Variants in SIPA1L3 observed in about 807,000 individuals in gnomAD.
The protein encoded by SIPA1L3 is signal induced proliferation associated 1 like 3, also known as signal-induced proliferation-associated 1-like protein 3.
SIPA1L3 carries 59 observed loss-of-function variants against 150.1 expected under a neutral mutation model. The observed-to-expected ratio is 0.39, with a 90% CI of 0.32 to 0.49. The LOEUF is 0.49. Among genes scored for constraint, SIPA1L3 ranks in the 20% least tolerant of loss-of-function variants. SIPA1L3 has a pLI of 0.86. For missense variants in SIPA1L3, 2,211 were observed against 2,489.5 expected, an observed-to-expected ratio of 0.89 and a Z score of 2.38; for synonymous variants, 1,070 against 1,077.6, an observed-to-expected ratio of 0.99 and a Z score of 0.14.
intron 9 of SIPA1L3, among the ~76,000 whole-genome samples, chr19:38,123,781 A>G (rs1971088442): frequency 6.6e-6 from 1 of 151,568 alleles, no homozygotes; most frequent in South Asian, 2.1e-4. Flanking sequence ...GCTGATGGGT[A>G]CACCTCCCAG....
At chr19:38,148,626 T>G (rs982869468) in intron 12 of SIPA1L3, among the ~76,000 whole-genome samples, 1 of 152,170 alleles carries the variant, frequency 6.6e-6, no homozygotes, top group African/African-American at 2.4e-5. Context: ...TGTGGGAGAT[T>G]GACAGAGCGG....
chr19:38,003,241 C>T (rs1725502), intron 1 of SIPA1L3, among the ~76,000 whole-genome samples: 30,355 of 152,186 alleles, frequency 0.2, 3,142 homozygotes, highest in South Asian at 0.22. Flanking sequence ...AAGGCAGGCA[C>T]AGCTCCTCCC....
chr19:38,052,839 C>T (rs1599957628), intron 2 of SIPA1L3, among the ~76,000 whole-genome samples: 2 of 152,326 alleles, frequency 1.3e-5, no homozygotes, highest in Admixed American at 6.5e-5. Flanking sequence ...CAAGCTTCCC[C>T]CTCCCACACT....
rs1260593818 is a variant in SIPA1L3 at position 37,933,828 on chromosome 19, A to C, written c.-379+26470A>C. Among the ~76,000 whole-genome samples, 3 of 152,184 alleles carry C rather than the reference A, an allele frequency of 2.0e-5. No individual in the cohort carries two copies. The East Asian group carries it at 5.8e-4, about 29-fold the overall frequency. ...GGCAGCCTGGGTGCCTGTGGCATGG[A>C]ACAGGAAAGCTTGGCCTAGTAAGTG... On this transcript the variant is annotated intron_variant, in intron 1 of 21. Transcript: ENST00000222345.
intron 2 of SIPA1L3, among the ~76,000 whole-genome samples, chr19:38,049,075 C>T (rs1969126134): frequency 6.7e-6 from 1 of 149,956 alleles, no homozygotes. Flanking sequence ...GGGCGAGACC[C>T]CATCTCAAAA....
Position 38,082,684 on chromosome 19 carries a change from G to GGCCGCTTCC in SIPA1L3, c.1125_1133dup (p.Ala378_Ala380dup), listed in dbSNP as rs570769811. ...GGCGGAACACCACCACGGGTGCTTC[G>GGCCGCTTCC]GCCGCTTCCGCCGCCTCGGCCATGG... On this transcript the variant is annotated inframe_insertion, in exon 3 of 22. Coordinates refer to ENST00000222345, the MANE Select transcript of SIPA1L3 (RefSeq NM_015073.3). The GGCCGCTTCC allele has an allele frequency of 3.7e-5, 60 of 1,609,116 alleles. No homozygotes were observed. In the East Asian group the frequency reaches 1.1e-3, roughly 29 times the overall value.
intron 1 of SIPA1L3, among the ~76,000 whole-genome samples, chr19:37,934,049 C>G (rs999112895): frequency 1.3e-5 from 2 of 152,190 alleles, no homozygotes; most frequent in Non-Finnish European, 1.5e-5. Context: ...AATTCTTGCT[C>G]TGGGGCTGAA....
intron 4 of SIPA1L3, among the ~76,000 whole-genome samples, chr19:38,092,561 G>A (rs901487158): frequency 3.3e-5 from 5 of 152,142 alleles, no homozygotes; most frequent in Admixed American, 2.6e-4. Context: ...TAGCCGTGGG[G>A]GACTCTGATC....
At chr19:38,068,061 T>C (rs1164191028) in intron 2 of SIPA1L3, among the ~76,000 whole-genome samples, 7 of 149,914 alleles carry the variant, frequency 4.7e-5, no homozygotes, top group African/African-American at 1.5e-4. Context: ...CTCACTCTTT[T>C]GCCCAGGCTG....
chr19:37,912,747 T>C (rs1165332769), intron 1 of SIPA1L3, among the ~76,000 whole-genome samples: 1 of 152,210 alleles, frequency 6.6e-6, no homozygotes, highest in Non-Finnish European at 1.5e-5. Flanking sequence ...TCCTCCCGCC[T>C]CAGCCTACAT....
At chr19:38,096,861 A>C (rs1200716470) in intron 4 of SIPA1L3, among the ~76,000 whole-genome samples, 1 of 152,194 alleles carries the variant, frequency 6.6e-6, no homozygotes, top group Non-Finnish European at 1.5e-5. Flanking sequence ...GCATAAACCC[A>C]AAAGAAAAGG....
intron 2 of SIPA1L3, among the ~76,000 whole-genome samples, chr19:38,075,208 G>C (rs1045371831): frequency 6.6e-6 from 1 of 152,190 alleles, no homozygotes; most frequent in African/African-American, 2.4e-5. Context: ...TATAATCCTA[G>C]CACTTTGGGA....
intron 1 of SIPA1L3, among the ~76,000 whole-genome samples, chr19:37,944,915 C>T (rs1011209986): frequency 1.3e-5 from 2 of 152,106 alleles, no homozygotes; most frequent in African/African-American, 4.8e-5. Context: ...GTTGCCACTG[C>T]ACTCCAGCCT....
intron 7 of SIPA1L3, 89 bp downstream of exon 7, chr19:38,106,729 A>T: frequency 1.1e-6 from 1 of 877,100 alleles, no homozygotes; most frequent in South Asian, 1.4e-5. Flanking sequence ...TGTGGATCAT[A>T]TGGAGGCCCT....
chr19:38,194,700 G>T (rs1218663775), intron 18 of SIPA1L3, among the ~76,000 whole-genome samples: 1 of 152,220 alleles, frequency 6.6e-6, no homozygotes, highest in Non-Finnish European at 1.5e-5. Context: ...AGCTGTGGGG[G>T]ATGGGGTGGA....
chr19:38,132,935 A>G lies in SIPA1L3; in HGVS notation c.3143+2163A>G, dbSNP rs578213065. On this transcript the variant is annotated intron_variant, in intron 10 of 21. Transcript: ENST00000222345. Reference sequence around the variant, plus strand: ...AGTGCTGGGATTACAGATGTGAGCCACCGCGCCTGGCCTTTTCCTTGCAGT... The same window carrying G: ...AGTGCTGGGATTACAGATGTGAGCCGCCGCGCCTGGCCTTTTCCTTGCAGT... Among the ~76,000 whole-genome samples, 6 of 152,308 alleles carry G rather than the reference A, an allele frequency of 3.9e-5. No individual in the cohort carries two copies. In the East Asian group the frequency reaches 5.8e-4, roughly 15 times the overall value.
intron 2 of SIPA1L3, among the ~76,000 whole-genome samples, chr19:38,077,661 CTTTTT>C (rs58788182): frequency 1.8e-3 from 115 of 64,330 alleles, no homozygotes; most frequent in African/African-American, 4.1e-3. Flanking sequence ...TTTTCTTTTT[CTTTTT>C]TTTTTTTTTT....
At chr19:38,061,745 G>A (rs895545854) in intron 2 of SIPA1L3, among the ~76,000 whole-genome samples, 2 of 151,526 alleles carry the variant, frequency 1.3e-5, no homozygotes, top group Non-Finnish European at 2.9e-5. Flanking sequence ...ATGGGAACAG[G>A]CCCCTGAGAC....
intron 9 of SIPA1L3, among the ~76,000 whole-genome samples, chr19:38,122,015 G>T (rs903272145): frequency 1.4e-4 from 21 of 151,912 alleles, no homozygotes; most frequent in Non-Finnish European, 2.4e-4. Context: ...CAGGTCAGGG[G>T]TTCAAGACCA....
Sources: allele counts gnomAD v4.1 joint callset (sites outside exome capture counted in the v4.1 genomes callset), GRCh38; gene constraint gnomAD v4.1.1; transcripts MANE v1.5; gene names NCBI Gene and HGNC (gene_info 2026-07-23, HGNC 2026-07-21).